The following FAM83A variants were observed in gnomAD, a reference collection of about 807,000 sequenced individuals.
FAM83A encodes the protein scaffolding CK1 anchoring protein A, also known as protein FAM83A.
In FAM83A, 21 loss-of-function variants were observed where a neutral mutation model predicts 24.4. That is an observed-to-expected ratio of 0.86 (90% CI 0.61 to 1.24). FAM83A has a LOEUF of 1.24. Among genes scored for constraint, FAM83A ranks in the 50% most tolerant of loss-of-function variants. FAM83A has a pLI of 0.00. For missense variants in FAM83A, 617 were observed against 579.8 expected (o/e 1.06, Z -0.66); for synonymous variants, 270 against 252.4 (o/e 1.07, Z -0.66).
chr8:123,188,511 T>G (rs1455149680), intron 1 of FAM83A, among the ~76,000 whole-genome samples: 1 of 151,140 alleles, frequency 6.6e-6, no homozygotes, highest in African/African-American at 2.4e-5. Flanking sequence ...TGAAACAGGG[T>G]CTTGCTCTGT....
intron 1 of FAM83A, among the ~76,000 whole-genome samples, chr8:123,190,476 G>T (rs919307621): frequency 1.3e-5 from 2 of 151,504 alleles, no homozygotes; most frequent in Admixed American, 6.6e-5. Flanking sequence ...TGTTGATCAG[G>T]CTGGTCTCGA....
intron 3 of FAM83A, among the ~76,000 whole-genome samples, chr8:123,205,692 C>T (rs999325017): frequency 1.3e-5 from 2 of 151,916 alleles, no homozygotes; most frequent in Non-Finnish European, 2.9e-5. Context: ...CCCGACCATC[C>T]TCTCCCTCTT....
chr8:123,184,353 C>T (rs1823720663), intron 1 of FAM83A, among the ~76,000 whole-genome samples: 2 of 152,130 alleles, frequency 1.3e-5, no homozygotes, highest in Non-Finnish European at 2.9e-5. Context: ...TGCCCCTTCT[C>T]CTCTCAGACT....
exon 4 of FAM83A, chr8:123,208,105 A>G (rs1426894687): frequency 2.0e-6 from 2 of 1,007,920 alleles, no homozygotes; most frequent in Non-Finnish European, 2.4e-6. Flanking sequence ...TCTGGTTCCC[A>G]GTGCCCAGGA....
At chr8:123,200,276 C>T (rs977859223) in intron 3 of FAM83A, among the ~76,000 whole-genome samples, 6 of 152,196 alleles carry the variant, frequency 3.9e-5, no homozygotes, top group African/African-American at 1.4e-4. Flanking sequence ...TCAGGCCCAC[C>T]TTCTTCCAGA....
chr8:123,183,108 C>T (rs1028617320), exon 1 of FAM83A: 1 of 1,613,968 alleles, frequency 6.2e-7, no homozygotes, highest in African/African-American at 1.3e-5. Flanking sequence ...CCCCAGACAC[C>T]CTGGGAGGGG....
rs1823813572 is a variant in FAM83A at position 123,186,706 on chromosome 8, TGTAATCCCAG to T, written c.480+3371_480+3380del. 2.0e-5 allele frequency among the ~76,000 whole-genome samples: 3 copies of T among 152,252 alleles called. No homozygotes were observed. The South Asian group carries it at 6.2e-4, about 32-fold the overall frequency. On this transcript the variant is annotated intron_variant, in intron 1 of 3. Transcript: ENST00000690554. ...TTAGCTCGGTGTGGTGGCAGATGTC[TGTAATCCCAG>T]CTACTCAGGAGACTGAATCAGGAGA... is the stretch of plus-strand genomic sequence containing the variant.
chr8:123,190,518 G>T (rs1325834572), intron 1 of FAM83A, among the ~76,000 whole-genome samples: 1 of 151,908 alleles, frequency 6.6e-6, no homozygotes, highest in Non-Finnish European at 1.5e-5. Context: ...GCCCGCCTCG[G>T]CCTCCCAAAG....
At chr8:123,187,218 A>G (rs1713733) in intron 1 of FAM83A, among the ~76,000 whole-genome samples, 138,360 of 152,196 alleles carry the variant, frequency 0.91, 62,923 homozygotes, top group East Asian at 1. Context: ...TAAAGGGTGA[A>G]GACAGGAATA....
intron 3 of FAM83A, among the ~76,000 whole-genome samples, chr8:123,203,827 C>T (rs1228013326): frequency 6.6e-6 from 1 of 150,846 alleles, no homozygotes; most frequent in Non-Finnish European, 1.5e-5. Context: ...AATTAGCCAG[C>T]ATTGTTGTAA....
chr8:123,205,638 G>C (rs1824523898), intron 3 of FAM83A, among the ~76,000 whole-genome samples: 1 of 152,102 alleles, frequency 6.6e-6, no homozygotes, highest in Admixed American at 6.5e-5. Flanking sequence ...TGACGGGCCC[G>C]TTTCTGCTTA....
chr8:123,182,313 G>C (rs1306925301), upstream of FAM83A: 1 of 358,314 alleles, frequency 2.8e-6, no homozygotes, highest in Admixed American at 3.6e-5. Flanking sequence ...ACACAGAGAG[G>C]GGGGCGCATC....
chr8:123,182,670 T>C (rs920946466), exon 1 of FAM83A: 5 of 888,004 alleles, frequency 5.6e-6, no homozygotes, highest in Non-Finnish European at 9.0e-6. Flanking sequence ...AGATGAGGAG[T>C]TCTGAGAAGC....
chr8:123,183,341 C>A lies in FAM83A; in HGVS notation c.480+5C>A, dbSNP rs760897184. The A allele has an allele frequency of 1.2e-6, 2 of 1,604,802 alleles. No individual in the cohort carries two copies. Among genetic ancestry groups the A allele is most frequent in the African/African-American group, 1.3e-5 (1 of 74,884 alleles). The stretch of plus-strand genomic sequence containing the variant: ...TGCATCACCCGGACTAGCCAGGTAC[C>A]GATGGCAAAGCCCCTGTCTCCGTGG... On this transcript the variant is annotated splice_donor_5th_base_variant and intron_variant, in intron 1 of 3. Coordinates refer to ENST00000690554, the Ensembl canonical transcript of FAM83A.
At chr8:123,181,095 T>C (rs1823587705), upstream of FAM83A, among the ~76,000 whole-genome samples, 1 of 152,104 alleles carries the variant, frequency 6.6e-6, no homozygotes, top group Non-Finnish European at 1.5e-5. Flanking sequence ...TACAGGCGCA[T>C]ACCACCAGGC....
Position 123,209,620 on chromosome 8 carries a change from TGCC to T in FAM83A, c.*1933_*1935del. 1 of 1,543,338 alleles carries T rather than the reference TGCC, an allele frequency of 6.5e-7. No individual in the cohort carries two copies. The highest frequency in any genetic ancestry group is 1.1e-5 in the South Asian group (1 of 87,158). ...GAGAAAGTTTAAGGAAGGCAAAGCTTGCCAGGTCACAGAAGCTCCCAAGCCCAG... is the reference window on the plus strand; with the variant it reads ...GAGAAAGTTTAAGGAAGGCAAAGCTTAGGTCACAGAAGCTCCCAAGCCCAG... On this transcript the variant is annotated 3_prime_UTR_variant, in exon 4 of 4. Transcript: ENST00000690554. The surrounding 1 kb of genome is among the most constrained non-coding windows in gnomAD (Gnocchi z 4.7).
At chr8:123,207,570 C>T (rs952492984) in exon 4 of FAM83A, 1 of 1,571,452 alleles carries the variant, frequency 6.4e-7, no homozygotes, top group Non-Finnish European at 8.6e-7. Context: ...CCGCCCGCCG[C>T]TGTCTACAGC....
exon 1 of FAM83A, chr8:123,182,902 G>C: frequency 3.3e-6 from 5 of 1,534,372 alleles, no homozygotes; most frequent in Non-Finnish European, 4.4e-6. Context: ...GCGTCTGGAA[G>C]ATGTCAAGAG....
chr8:123,195,750 TAAA>T (rs374859189), intron 3 of FAM83A, among the ~76,000 whole-genome samples: 3 of 147,360 alleles, frequency 2.0e-5, no homozygotes, highest in Non-Finnish European at 4.5e-5. Context: ...CCCTTCATGG[TAAA>T]AAAAAAAGGT....
Sources: allele counts gnomAD v4.1 joint callset (sites outside exome capture counted in the v4.1 genomes callset), GRCh38; gene constraint gnomAD v4.1.1; non-coding constraint Gnocchi (gnomAD v3.1); transcripts MANE v1.5; gene names NCBI Gene and HGNC (gene_info 2026-07-23, HGNC 2026-07-21).